INTU: variants seen among roughly 807,000 people sequenced by gnomAD.
INTU encodes inturned planar cell polarity protein.
In INTU, 68 loss-of-function variants were observed where a neutral mutation model predicts 100.5. The ratio of observed to expected loss-of-function variants is 0.68; its 90% CI spans 0.56 to 0.83. The LOEUF is 0.83. INTU is among the 40% of genes least tolerant of loss of function. The pLI, the probability that INTU is intolerant of heterozygous loss-of-function variation, is 0.00. For synonymous variants in INTU, 357 were observed against 395.7 expected (o/e 0.90, Z 1.16); for missense variants, 1,071 against 1,114.7 (o/e 0.96, Z 0.56).
intron 1 of INTU, among the ~76,000 whole-genome samples, chr4:127,640,542 CATATATATATATATATATATAT>C (rs869116277): frequency 6.3e-4 from 34 of 53,638 alleles, no homozygotes; most frequent in South Asian, 8.9e-4. Flanking sequence ...GGTAAAGATA[CATATATATATATATATATATAT>C]ATATATATAT....
intron 2 of INTU, among the ~76,000 whole-genome samples, chr4:127,647,191 T>G (rs1440104186): frequency 6.6e-6 from 1 of 152,246 alleles, no homozygotes; most frequent in Non-Finnish European, 1.5e-5. Context: ...GCATTCATCT[T>G]CTATTGCTGC....
intron 8 of INTU, among the ~76,000 whole-genome samples, chr4:127,691,980 A>ATATATATGTGTGTG (rs971919620): frequency 7.0e-6 from 1 of 143,360 alleles, no homozygotes; most frequent in African/African-American, 2.6e-5. Context: ...ATATATATAT[A>ATATATATGTGTGTG]TGTCACATTT....
At position 127,720,622 on chromosome 4, in the gene INTU, T is replaced by G. The variant is rs11946559; in HGVS notation, c.*4186T>G. ...ATTGTGTGGAAATCTAAGTCTCTTTTTGGGTCTCTAAGAACTTGTTTTATG... is the reference window on the plus strand; with the variant it reads ...ATTGTGTGGAAATCTAAGTCTCTTTGTGGGTCTCTAAGAACTTGTTTTATG... On this transcript the variant is annotated 3_prime_UTR_variant, in exon 16 of 16. Transcript: ENST00000335251. 0.62 allele frequency: 94,767 copies of G among 151,984 alleles called. 30,281 individuals carry two copies. Among genetic ancestry groups the G allele is most frequent in the African/African-American group, 0.76 (31,332 of 41,442 alleles). 9.4% of individuals were successfully genotyped at this position (151,984 alleles called of 1,614,324 possible).
chr4:127,674,277 A>C, intron 6 of INTU, 64 bp downstream of exon 6: 1 of 1,274,128 alleles, frequency 7.8e-7, no homozygotes, highest in Non-Finnish European at 1.1e-6. Context: ...GTTTTGTTAA[A>C]ATTATTACAT....
rs1274668810 is a variant in INTU at position 127,643,701 on chromosome 4, C to G, written c.327C>G (p.Pro109=). The G allele has an allele frequency of 1.9e-6, 3 of 1,610,090 alleles. No homozygotes were observed. Among genetic ancestry groups the G allele is most frequent in the East Asian group, 2.2e-5 (1 of 44,856 alleles). ...ACAAAGAAAGAAAAAAGTATGAACC[C>G]AAACTCAAGCAGTTTACCAAAATTT... The part of the protein sequence containing the change: ...DDYKERKKYE[P]KLKQFTKILR... The change falls in exon 2 of 16, where the codon CCC becomes CCG. Residue 109 remains proline, a synonymous_variant. Coordinates refer to ENST00000335251, the MANE Select transcript of INTU (RefSeq NM_015693.4).
In INTU at chr4:127,663,577, A is replaced by AG; in HGVS notation, c.967dup (p.Glu323GlyfsTer13). 1 of 1,612,828 alleles carries AG rather than the reference A, an allele frequency of 6.2e-7. No individual in the cohort carries two copies. The highest frequency in any genetic ancestry group is 2.2e-5 in the East Asian group (1 of 44,858). ...CTACAGCTCGACTCAGAAACCTCAA[A>AG]GGAAGAGGTGAGTGTCCTCAAAAGT... On this transcript the variant is annotated frameshift_variant, in exon 4 of 16. Transcript: ENST00000335251. LOFTEE classifies it high-confidence loss of function.
intron 15 of INTU, among the ~76,000 whole-genome samples, chr4:127,715,009 ATATATC>A (rs1731219249): frequency 6.6e-6 from 1 of 152,188 alleles, no homozygotes; most frequent in South Asian, 2.1e-4. Flanking sequence ...CTATATATTT[ATATATC>A]TATATTTATA....
At chr4:127,635,739 G>A (rs937907579) in intron 1 of INTU, among the ~76,000 whole-genome samples, 2 of 152,068 alleles carry the variant, frequency 1.3e-5, no homozygotes, top group South Asian at 2.1e-4. Flanking sequence ...ACATGTATAC[G>A]TCTGTCAAGA....
chr4:127,642,144 T>C (rs1727363135), intron 1 of INTU, among the ~76,000 whole-genome samples: 1 of 152,208 alleles, frequency 6.6e-6, no homozygotes, highest in Non-Finnish European at 1.5e-5. Context: ...GATATAGTTA[T>C]TTAGACTCTC....
Position 127,724,461 on chromosome 4 carries a change from A to G in INTU, c.*8025A>G, listed in dbSNP as rs1290815932. ...ATACTAACTTTTATCTTAGAAATAT[A>G]GATCATTATGCATTGGGTTTTTTCA... On this transcript the variant is annotated 3_prime_UTR_variant, in exon 16 of 16. Coordinates refer to ENST00000335251, the MANE Select transcript of INTU (RefSeq NM_015693.4). 1 of 151,992 alleles carries G rather than the reference A, an allele frequency of 6.6e-6. No individual in the cohort carries two copies. Among genetic ancestry groups the G allele is most frequent in the Non-Finnish European group, 1.5e-5 (1 of 67,978 alleles). The allele number at this position is 151,992 out of a possible 1,614,324, so 9.4% of individuals were successfully genotyped here. A position where few individuals can be genotyped will look rare whatever the true frequency, so the allele number is the denominator to read the frequency against.
In INTU at chr4:127,669,090, G is replaced by A. The variant is rs139082309; in HGVS notation, c.1027G>A (p.Val343Met). The change falls in exon 5 of 16, where the codon GTG becomes ATG. Residue 343 changes from valine (V) to methionine (M), a missense_variant. By Grantham distance (21) the Val-to-Met change is conservative. Transcript: ENST00000335251. ...TGAAGCATCTCAGAAACTTAAAAGT[G>A]TGAGAGGGATTTTTCTCACACTCTG... is the stretch of plus-strand genomic sequence containing the variant. The part of the protein sequence containing the change: ...MSEASQKLKS[V>M]RGIFLTLCDM... 2.9e-4 allele frequency: 451 copies of A among 1,553,234 alleles called. 1 individual carries two copies. The highest frequency in any genetic ancestry group is 3.7e-4 in the Non-Finnish European group (426 of 1,142,966).
chr4:127,677,817 A>G (rs1729300989), intron 6 of INTU, among the ~76,000 whole-genome samples: 1 of 152,206 alleles, frequency 6.6e-6, no homozygotes, highest in African/African-American at 2.4e-5. Context: ...TACAGGAGGA[A>G]ATTCAAACCA....
At chr4:127,676,087 A>C (rs1729161658) in intron 6 of INTU, 1 of 171,780 alleles carries the variant, frequency 5.8e-6, no homozygotes, top group African/African-American at 2.4e-5. Flanking sequence ...TTTGGACAGA[A>C]AGAAATATAA....
chr4:127,703,755 C>T (rs897292755), intron 9 of INTU, among the ~76,000 whole-genome samples: 2 of 152,038 alleles, frequency 1.3e-5, no homozygotes, highest in African/African-American at 4.8e-5. Context: ...ATATAAAAAT[C>T]ATGATTCCAC....
At chr4:127,671,818 A>T (rs1728941757) in intron 5 of INTU, among the ~76,000 whole-genome samples, 1 of 151,990 alleles carries the variant, frequency 6.6e-6, no homozygotes. Flanking sequence ...AAATAAATGG[A>T]ATAAATAACA....
intron 8 of INTU, among the ~76,000 whole-genome samples, chr4:127,690,375 A>T (rs1458648912): frequency 1.3e-5 from 2 of 152,118 alleles, no homozygotes; most frequent in Non-Finnish European, 2.9e-5. Flanking sequence ...GGCTGCTTTT[A>T]TCCTTGTTAC....
At chr4:127,674,314 C>A in intron 6 of INTU, 101 bp downstream of exon 6, 1 of 856,054 alleles carries the variant, frequency 1.2e-6, no homozygotes, top group Non-Finnish European at 1.8e-6. Flanking sequence ...ACTCCTTGAA[C>A]AGTTTTACAG....
intron 8 of INTU, among the ~76,000 whole-genome samples, chr4:127,696,605 T>C (rs1730400256): frequency 6.6e-6 from 1 of 152,086 alleles, no homozygotes; most frequent in Non-Finnish European, 1.5e-5. Context: ...TTATACGTTT[T>C]ATTGATTTTT....
intron 1 of INTU, among the ~76,000 whole-genome samples, chr4:127,634,352 C>T (rs927296933): frequency 6.6e-6 from 1 of 152,202 alleles, no homozygotes; most frequent in Non-Finnish European, 1.5e-5. Context: ...AAGACTCAAA[C>T]TCTTGGCTTC....
Sources: allele counts gnomAD v4.1 joint callset (sites outside exome capture counted in the v4.1 genomes callset), GRCh38; gene constraint gnomAD v4.1.1; transcripts MANE v1.5; gene names NCBI Gene and HGNC (gene_info 2026-07-23, HGNC 2026-07-21).